Variants in KCNQ1 observed in about 807,000 individuals in gnomAD.
KCNQ1 encodes the protein potassium voltage-gated channel subfamily KQT member 1.
KCNQ1 carries 49 observed loss-of-function variants against 72.4 expected under a neutral mutation model. The ratio of observed to expected loss-of-function variants is 0.68; its 90% confidence interval spans 0.54 to 0.86. KCNQ1 has a LOEUF of 0.86. Among genes scored for constraint, KCNQ1 ranks in the 40% least tolerant of loss-of-function variants. KCNQ1 has a pLI of 0.00. For synonymous variants in KCNQ1, 450 were observed against 412.6 expected, an observed-to-expected ratio of 1.09 and a Z score of -1.10; for missense variants, 790 against 945.1, an observed-to-expected ratio of 0.84 and a Z score of 2.15.
At chr11:2,844,304 C>A (rs1306086475) in intron 15 of KCNQ1, among the ~76,000 whole-genome samples, 1 of 152,214 alleles carries the variant, frequency 6.6e-6, no homozygotes, top group Non-Finnish European at 1.5e-5. Context: ...GACTGTGGAC[C>A]CGCCCTGGGC....
intron 10 of KCNQ1, chr11:2,619,838 T>G (rs891647174): frequency 2.5e-6 from 1 of 398,378 alleles, no homozygotes; most frequent in Admixed American, 4.4e-5. Flanking sequence ...CTTTTCTTTG[T>G]TTGAGGTTTT....
rs1846869039 is a variant in KCNQ1 at position 2,783,919 on chromosome 11, C to T, written c.1794+5882C>T. ...AGTCCTTTATCAGATCTATGACTTG[C>T]AAATATTTTCTCCCATTCTGTGGCT... On this transcript the variant is annotated intron_variant, in intron 15 of 15. Coordinates refer to ENST00000155840, the MANE Select transcript of KCNQ1 (RefSeq NM_000218.3). The surrounding 1 kb of genome is among the most constrained non-coding windows in gnomAD (Gnocchi z 5.2). 3.9e-5 allele frequency among the ~76,000 whole-genome samples: 6 copies of T among 151,990 alleles called. No homozygotes were observed. In the South Asian group the frequency reaches 1.2e-3, roughly 31 times the overall value.
rs748563398 is a variant in KCNQ1, at chr11:2,848,464, C to G, written c.*461C>G. 1 of 461,554 alleles carries G rather than the reference C, an allele frequency of 2.2e-6. No individual in the cohort carries two copies. The highest frequency in any genetic ancestry group is 2.3e-5 in the Admixed American group (1 of 42,744). The allele number at this position is 461,554 out of a possible 1,614,324, so 28.6% of individuals were successfully genotyped here. On this transcript the variant is annotated 3_prime_UTR_variant, in exon 16 of 16. Coordinates refer to ENST00000155840, the MANE Select transcript of KCNQ1 (RefSeq NM_000218.3). ...AGGCACAGGCAGGGCAGGACCAGCC[C>G]ACGCTGACTACAGGGCCGCCGGCAA...
At chr11:2,836,445 G>A (rs1332960715) in intron 15 of KCNQ1, among the ~76,000 whole-genome samples, 1 of 152,184 alleles carries the variant, frequency 6.6e-6, no homozygotes, top group Non-Finnish European at 1.5e-5. Context: ...TGCACTCCAA[G>A]GGGAGGAGGT....
rs142613301 is a variant in KCNQ1 at position 2,525,357 on chromosome 11, G to A, written c.387-2571G>A. The stretch of plus-strand genomic sequence containing the variant: ...GGAGGGCTCCCCACAGGGTTGGCCC[G>A]GAGGCTCCAGCTGTGTCTGTTGAAC... On this transcript the variant is annotated intron_variant, in intron 1 of 15. Coordinates refer to ENST00000155840, the MANE Select transcript of KCNQ1 (RefSeq NM_000218.3). 2.0e-3 allele frequency among the ~76,000 whole-genome samples: 307 copies of A among 152,330 alleles called. 2 individuals carry two copies. Among genetic ancestry groups the A allele is most frequent in the Non-Finnish European group, 3.8e-3 (257 of 68,030 alleles).
At position 2,481,666 on chromosome 11, in the gene KCNQ1, G is replaced by A. The variant is rs756117276; in HGVS notation, c.386+36182G>A. ...CTCTGCCTCCTATCAGATCAGTGGC[G>A]GCATTAGATTCTCACAGGGGTGTGT... On this transcript the variant is annotated intron_variant, in intron 1 of 15. Coordinates refer to ENST00000155840, the MANE Select transcript of KCNQ1 (RefSeq NM_000218.3). This position sits in a 1 kb window ranked among gnomAD's most constrained non-coding sequence, Gnocchi z 4.6. 7.2e-5 allele frequency among the ~76,000 whole-genome samples: 11 copies of A among 152,120 alleles called. 1 individual carries two copies. The South Asian group carries it at 8.3e-4, about 11-fold the overall frequency.
At chr11:2,552,749 C>T (rs771707603) in intron 2 of KCNQ1, among the ~76,000 whole-genome samples, 12 of 152,062 alleles carry the variant, frequency 7.9e-5, no homozygotes, top group Admixed American at 5.2e-4. Flanking sequence ...TTCCGATCCA[C>T]GAACACGGTC....
In KCNQ1 at chr11:2,725,630, T is replaced by C. The variant is rs1242160793; in HGVS notation, c.1515-43214T>C. Among the ~76,000 whole-genome samples the C allele has an allele frequency of 1.3e-5, 2 of 152,186 alleles. No homozygotes were observed. The highest frequency in any genetic ancestry group is 2.4e-5 in the African/African-American group (1 of 41,440). On this transcript the variant is annotated intron_variant, in intron 11 of 15. Coordinates refer to ENST00000155840, the MANE Select transcript of KCNQ1 (RefSeq NM_000218.3). The surrounding 1 kb of genome is among the most constrained non-coding windows in gnomAD (Gnocchi z 7.2). ...CCCCTTCCCGAACGTACCCTTTCCATGAGGCTGGGCGCCCTGCCCTGCCTT... is the reference window on the plus strand; with the variant it reads ...CCCCTTCCCGAACGTACCCTTTCCACGAGGCTGGGCGCCCTGCCCTGCCTT...
At chr11:2,819,467 G>T (rs1847688569) in intron 15 of KCNQ1, among the ~76,000 whole-genome samples, 1 of 152,256 alleles carries the variant, frequency 6.6e-6, no homozygotes, top group Non-Finnish European at 1.5e-5. Context: ...AACACCAGGT[G>T]CCGAGAGCCT....
At chr11:2,640,359 T>C in intron 10 of KCNQ1, 1 of 398,568 alleles carries the variant, frequency 2.5e-6, no homozygotes, top group Non-Finnish European at 4.4e-6. Context: ...CCACCCCACT[T>C]ACTGCAATCT....
At position 2,461,728 on chromosome 11, in the gene KCNQ1, G is replaced by T. The variant is rs754637419; in HGVS notation, c.386+16244G>T. On this transcript the variant is annotated intron_variant, in intron 1 of 15. Coordinates refer to ENST00000155840, the MANE Select transcript of KCNQ1 (RefSeq NM_000218.3). ...GCCTGGCATGGAGTAGGTACCCCGG[G>T]GGTGGACAGATAGGCAGAGGAAGGG... 1.2e-5 allele frequency: 16 copies of T among 1,366,668 alleles called. No individual in the cohort carries two copies. The South Asian group carries it at 1.8e-4, about 16-fold the overall frequency. The allele number at this position is 1,366,668 out of a possible 1,614,324, so 84.7% of individuals were successfully genotyped here.
At chr11:2,490,520 TG>T (rs1345442446) in intron 1 of KCNQ1, among the ~76,000 whole-genome samples, 16 of 152,320 alleles carry the variant, frequency 1.1e-4, no homozygotes, top group Middle Eastern at 3.4e-3. Flanking sequence ...GTCCCAGTGG[TG>T]GTGGCCACAG....
rs139462786 is a variant in KCNQ1 at position 2,567,729 on chromosome 11, G to C, written c.478-2899G>C. Among the ~76,000 whole-genome samples the C allele has an allele frequency of 1.7e-3, 257 of 152,292 alleles. No individual in the cohort carries two copies. Among genetic ancestry groups the C allele is most frequent in the African/African-American group, 6.1e-3 (252 of 41,568 alleles). On this transcript the variant is annotated intron_variant, in intron 2 of 15. Coordinates refer to ENST00000155840, the MANE Select transcript of KCNQ1 (RefSeq NM_000218.3). The surrounding 1 kb of genome is among the most constrained non-coding windows in gnomAD (Gnocchi z 6.6). ...CTTCCCACATCCAGCTGGATTTGGG[G>C]ATCAGTGTTGTTTTTAATCATTCCT...
At chr11:2,555,410 T>C (rs1335210460) in intron 2 of KCNQ1, among the ~76,000 whole-genome samples, 1 of 152,210 alleles carries the variant, frequency 6.6e-6, no homozygotes, top group Non-Finnish European at 1.5e-5. Flanking sequence ...AATCCTCGTT[T>C]AACTGGCCTG....
chr11:2,552,789 G>A (rs1045387879), intron 2 of KCNQ1, among the ~76,000 whole-genome samples: 3 of 152,010 alleles, frequency 2.0e-5, no homozygotes, highest in Non-Finnish European at 4.4e-5. Flanking sequence ...GCACGTCTTA[G>A]TAATACCGAG....
At chr11:2,571,916 AG>A (rs1848340422) in intron 4 of KCNQ1, 96 bp from the exon 5 acceptor site, 17 of 966,436 alleles carry the variant, frequency 1.8e-5, no homozygotes, top group African/African-American at 3.2e-5. Context: ...TGGGAGGGGC[AG>A]GGGCAGGGAC....
At position 2,691,024 on chromosome 11, in the gene KCNQ1, G is replaced by T. The variant is rs1850579481; in HGVS notation, c.1514+28943G>T. The T allele has an allele frequency of 2.5e-6, 1 of 398,658 alleles. No homozygotes were observed. Among genetic ancestry groups the T allele is most frequent in the Non-Finnish European group, 4.4e-6 (1 of 226,080 alleles). 24.7% of individuals were successfully genotyped at this position (398,658 alleles called of 1,614,324 possible). A position where few individuals can be genotyped will look rare whatever the true frequency, so the allele number is the denominator to read the frequency against. ...GGGCAAAAGCTCTGGGTGAACTCTT[G>T]GCTCAGGTATCAGGATATGCTGGGT... On this transcript the variant is annotated intron_variant, in intron 11 of 15. Coordinates refer to ENST00000155840, the MANE Select transcript of KCNQ1 (RefSeq NM_000218.3). This position sits in a 1 kb window ranked among gnomAD's most constrained non-coding sequence, Gnocchi z 6.4.
At chr11:2,476,601 A>G (rs993786897) in intron 1 of KCNQ1, among the ~76,000 whole-genome samples, 1 of 152,184 alleles carries the variant, frequency 6.6e-6, no homozygotes, top group Non-Finnish European at 1.5e-5. Context: ...AAAACAATAT[A>G]TATCTTATAA....
chr11:2,798,664 CAAATT>C (rs2134021050), intron 15 of KCNQ1, among the ~76,000 whole-genome samples: 1 of 152,240 alleles, frequency 6.6e-6, no homozygotes, highest in East Asian at 1.9e-4. Context: ...TTGCAGGTAT[CAAATT>C]AAGTTCTTAC....
Sources: allele counts gnomAD v4.1 joint callset (sites outside exome capture counted in the v4.1 genomes callset), GRCh38; gene constraint gnomAD v4.1.1; non-coding constraint Gnocchi (gnomAD v3.1); transcripts MANE v1.5; gene names NCBI Gene and HGNC (gene_info 2026-07-23, HGNC 2026-07-21).